The following KATNIP variants were observed in gnomAD, a reference collection of about 807,000 sequenced individuals.
KATNIP encodes the protein katanin-interacting protein.
Under a neutral mutation model 174.0 loss-of-function variants are expected in KATNIP, and 126 were observed. The ratio of observed to expected loss-of-function variants is 0.72; its 90% confidence interval spans 0.63 to 0.84. KATNIP has a LOEUF of 0.84. KATNIP is among the 40% of genes least tolerant of loss of function. The pLI is 0.00. For synonymous variants in KATNIP, 810 were observed against 835.7 expected (o/e 0.97, Z 0.53); for missense variants, 1,958 against 2,109.7 (o/e 0.93, Z 1.41).
intron 3 of KATNIP, among the ~76,000 whole-genome samples, chr16:27,623,386 C>G (rs372271814): frequency 2.0e-5 from 3 of 152,206 alleles, no homozygotes; most frequent in African/African-American, 7.2e-5. Flanking sequence ...AGGCCCATAG[C>G]AAGCCCCCTA....
At chr16:27,699,956 G>C (rs943774971) in intron 10 of KATNIP, among the ~76,000 whole-genome samples, 1 of 151,904 alleles carries the variant, frequency 6.6e-6, no homozygotes, top group Non-Finnish European at 1.5e-5. Flanking sequence ...TGTTGCCCAG[G>C]CAGGAGTGCA....
Position 27,732,006 on chromosome 16 carries a change from G to A in KATNIP, c.1744-8035G>A, listed in dbSNP as rs544871600. ...AGCCATTACTCCACATGTTAGCGCC[G>A]ACCCGGTATTGCCACACAGCCTAAA... is the stretch of plus-strand genomic sequence containing the variant. On this transcript the variant is annotated intron_variant, in intron 14 of 27. Transcript: ENST00000261588. Among the ~76,000 whole-genome samples, 15 of 152,314 alleles carry A rather than the reference G, an allele frequency of 9.8e-5. No homozygotes were observed. The East Asian group carries it at 2.9e-3, about 29-fold the overall frequency.
At chr16:27,732,109 T>C (rs1233826730) in intron 14 of KATNIP, among the ~76,000 whole-genome samples, 1 of 152,186 alleles carries the variant, frequency 6.6e-6, no homozygotes, top group Non-Finnish European at 1.5e-5. Flanking sequence ...ATTCTAAAAT[T>C]CTTAAATGCT....
rs1027539662 is a variant in KATNIP at position 27,630,938 on chromosome 16, C to T, written c.311-127C>T. 5 of 690,302 alleles carry T rather than the reference C, an allele frequency of 7.2e-6. No homozygotes were observed. In the African/African-American group the frequency reaches 8.9e-5, roughly 12 times the overall value. The allele number at this position is 690,302 out of a possible 1,614,324, so 42.8% of individuals were successfully genotyped here. ...CTTGTTGCCACAACCACGCTGTAGT[C>T]AATGTCCTCATACACAAGACTTTGG... On this transcript the variant is annotated intron_variant, in intron 4 of 27. Transcript: ENST00000261588.
At chr16:27,654,804 C>T in intron 6 of KATNIP, 2 of 1,322,314 alleles carry the variant, frequency 1.5e-6, no homozygotes, top group South Asian at 1.2e-5. Flanking sequence ...AGCAGCTGTG[C>T]CTGCCTTAAG....
intron 2 of KATNIP, among the ~76,000 whole-genome samples, chr16:27,612,276 AAACT>A (rs1319631159): frequency 6.6e-6 from 1 of 152,136 alleles, no homozygotes; most frequent in Non-Finnish European, 1.5e-5. Flanking sequence ...ATAGGTAAAG[AAACT>A]AGGTGGCAAC....
At chr16:27,729,655 C>A (rs1446775405) in intron 14 of KATNIP, among the ~76,000 whole-genome samples, 1 of 152,162 alleles carries the variant, frequency 6.6e-6, no homozygotes, top group African/African-American at 2.4e-5. Context: ...CTATTTCTGG[C>A]CTTTCTTACT....
intron 1 of KATNIP, among the ~76,000 whole-genome samples, chr16:27,571,755 G>C (rs988561438): frequency 5.3e-5 from 8 of 152,256 alleles, no homozygotes; most frequent in African/African-American, 1.9e-4. Context: ...TTTGTGCCTA[G>C]CAGCTCAGGG....
intron 21 of KATNIP, among the ~76,000 whole-genome samples, chr16:27,770,237 T>C (rs2082253424): frequency 6.6e-6 from 1 of 152,210 alleles, no homozygotes; most frequent in Non-Finnish European, 1.5e-5. Flanking sequence ...CAGTCTGGAG[T>C]GCTGAAGATT....
chr16:27,560,101 G>A (rs2089807094), intron 1 of KATNIP, among the ~76,000 whole-genome samples: 1 of 152,186 alleles, frequency 6.6e-6, no homozygotes, highest in South Asian at 2.1e-4. Context: ...GGCCAACATG[G>A]TGAAACCCCG....
chr16:27,695,618 A>G (rs1261230410), intron 8 of KATNIP, among the ~76,000 whole-genome samples: 1 of 152,182 alleles, frequency 6.6e-6, no homozygotes, highest in East Asian at 1.9e-4. Context: ...GTCTCTCACC[A>G]TGTGAGTGGG....
chr16:27,734,400 A>AAAAC (rs1420808601), intron 14 of KATNIP, among the ~76,000 whole-genome samples: 8 of 149,948 alleles, frequency 5.3e-5, no homozygotes, highest in Admixed American at 4.0e-4. Context: ...TTATTTAAAA[A>AAAAC]AAAAAAAAAA....
chr16:27,751,822 G>A lies in KATNIP; in HGVS notation c.3450G>A (p.Leu1150=). ...TGTTTGACCTGGATGTGGGGAGCCT[G>A]GACAGCCTGCAGGATGAAGAGGCAA... The part of the protein sequence containing the change: ...DEMFDLDVGS[L]DSLQDEEAMR... Residue 1150 remains leucine (L), a synonymous_variant, in exon 17 of 28, where the codon CTG becomes CTA. Transcript: ENST00000261588. The A allele has an allele frequency of 2.5e-6, 4 of 1,614,210 alleles. No individual in the cohort carries two copies. The African/African-American group carries it at 5.3e-5, about 22-fold the overall frequency.
intron 3 of KATNIP, among the ~76,000 whole-genome samples, chr16:27,625,212 G>C (rs1261752483): frequency 6.6e-6 from 1 of 152,196 alleles, no homozygotes; most frequent in Non-Finnish European, 1.5e-5. Flanking sequence ...TTTCCAGTCT[G>C]AATAATTATC....
rs147341550 is a variant in KATNIP, at chr16:27,749,888, C to A, written c.2928C>A (p.Arg976=). ...FKIPVLPYGQ[R]LVIDIKSTWG... ...TCCCCGTCTTGCCTTATGGACAGCG[C>A]TTGGTCATTGACATCAAGTCTACCT... The change falls in exon 16 of 28, where the codon CGC becomes CGA. Residue 976 remains arginine (R), a synonymous_variant. Coordinates refer to ENST00000261588, the MANE Select transcript of KATNIP (RefSeq NM_015202.5). The A allele has an allele frequency of 6.2e-7, 1 of 1,614,102 alleles. No individual in the cohort carries two copies. Among genetic ancestry groups the A allele is most frequent in the African/African-American group, 1.3e-5 (1 of 74,936 alleles).
At chr16:27,609,692 G>A (rs1596912299) in intron 2 of KATNIP, among the ~76,000 whole-genome samples, 1 of 147,006 alleles carries the variant, frequency 6.8e-6, no homozygotes, top group South Asian at 2.1e-4. Flanking sequence ...GCCCTGCCAA[G>A]TCATTTTTTT....
intron 9 of KATNIP, 160 bp from the exon 10 acceptor site, chr16:27,699,374 C>T: frequency 8.0e-6 from 7 of 876,768 alleles, no homozygotes; most frequent in Non-Finnish European, 9.6e-6. Flanking sequence ...CGAGCAGCAA[C>T]TATTGTCTGT....
intron 6 of KATNIP, chr16:27,659,935 A>C (rs1228151216): frequency 1.2e-6 from 1 of 865,246 alleles, no homozygotes; most frequent in Admixed American, 6.2e-5. Context: ...ATGCACCCCC[A>C]GTTTGGCCTG....
intron 2 of KATNIP, among the ~76,000 whole-genome samples, chr16:27,586,729 C>T (rs1001481913): frequency 1.1e-4 from 16 of 150,818 alleles, no homozygotes; most frequent in Non-Finnish European, 2.2e-4. Flanking sequence ...CTTGGGAGGC[C>T]GAGGTCGGAG....
Sources: gnomAD v4.1 joint callset for allele counts (sites outside exome capture counted in the v4.1 genomes callset) on GRCh38, gnomAD v4.1.1 for gene constraint, MANE v1.5 for transcripts, NCBI Gene and HGNC (gene_info 2026-07-23, HGNC 2026-07-21) for gene names.